The following TFEB variants were observed in gnomAD, a reference collection of about 807,000 sequenced individuals.
TFEB encodes the protein T-cell transcription factor EB.
TFEB carries 12 observed loss-of-function variants against 48.0 expected under a neutral mutation model. That is an observed-to-expected ratio of 0.25 (90% confidence interval 0.16 to 0.40). TFEB has a LOEUF of 0.40. Among genes scored for constraint, TFEB ranks in the 10% least tolerant of loss-of-function variants. The pLI is 1.00. For missense variants in TFEB, 509 were observed against 640.3 expected (o/e 0.79, Z 2.21); for synonymous variants, 244 against 261.4 (o/e 0.93, Z 0.64).
Position 41,734,807 on chromosome 6 carries a change from C to T in TFEB, c.-23+543G>A. On this transcript the variant is annotated intron_variant, in intron 1 of 8. Transcript: ENST00000373033. The surrounding 1 kb of genome is among the most constrained non-coding windows in gnomAD (Gnocchi z 4.0). ...AGAGATGGTACTTCCACCCGCCCCC[C>T]CATCAGCCCAGCCCCCGGGGCGTGG... The T allele has an allele frequency of 1.2e-6, 1 of 822,214 alleles. No individual in the cohort carries two copies. The highest frequency in any genetic ancestry group is 1.5e-6 in the Non-Finnish European group (1 of 680,824). The allele number at this position is 822,214 out of a possible 1,614,324, so 50.9% of individuals were successfully genotyped here.
intron 1 of TFEB, among the ~76,000 whole-genome samples, chr6:41,718,160 G>A (rs527477033): frequency 4.0e-5 from 6 of 151,862 alleles, no homozygotes; most frequent in African/African-American, 1.2e-4. Context: ...ATTTTGGGTG[G>A]TAAGAACATT....
At chr6:41,690,275 C>G (rs1488837093) in intron 3 of TFEB, among the ~76,000 whole-genome samples, 1 of 152,084 alleles carries the variant, frequency 6.6e-6, no homozygotes, top group East Asian at 1.9e-4. Context: ...GGATTACAGG[C>G]GTGCACCACC....
At chr6:41,705,948 G>A (rs1051964423) in intron 1 of TFEB, 2 of 152,300 alleles carry the variant, frequency 1.3e-5, no homozygotes, top group African/African-American at 4.8e-5. Context: ...ACCCCTGGGA[G>A]AGGCAGCTGA....
chr6:41,701,776 C>T (rs1364308470), intron 1 of TFEB, among the ~76,000 whole-genome samples: 1 of 151,988 alleles, frequency 6.6e-6, no homozygotes, highest in African/African-American at 2.4e-5. Context: ...GAAACCCTGT[C>T]TCTACTAAAA....
chr6:41,686,759 G>T (rs1430023440), intron 7 of TFEB: 2 of 343,406 alleles, frequency 5.8e-6, no homozygotes, highest in Non-Finnish European at 1.1e-5. Flanking sequence ...CAAGTGATCT[G>T]CCTGCCTCAG....
At chr6:41,702,746 A>G (rs1280779108) in intron 1 of TFEB, among the ~76,000 whole-genome samples, 1 of 152,174 alleles carries the variant, frequency 6.6e-6, no homozygotes, top group African/African-American at 2.4e-5. Context: ...CTGTTTTGCA[A>G]GGACTCTCTC....
intron 4 of TFEB, among the ~76,000 whole-genome samples, chr6:41,689,219 C>T (rs776051285): frequency 2.8e-4 from 43 of 152,246 alleles, no homozygotes; most frequent in Admixed American, 1.4e-3. Context: ...TGCCAGGAGA[C>T]GCAGGAAGCT....
chr6:41,685,412 A>C (rs776552359), intron 8 of TFEB, among the ~76,000 whole-genome samples: 24 of 152,362 alleles, frequency 1.6e-4, no homozygotes, highest in Admixed American at 3.9e-4. Flanking sequence ...GCGTTACTTC[A>C]TGAAACTGAT....
intron 1 of TFEB, among the ~76,000 whole-genome samples, chr6:41,721,392 C>A (rs1366876584): frequency 6.6e-6 from 1 of 151,806 alleles, no homozygotes; most frequent in African/African-American, 2.4e-5. Flanking sequence ...CACACACACA[C>A]ACACACACAC....
At chr6:41,718,581 C>T (rs988172710) in intron 1 of TFEB, among the ~76,000 whole-genome samples, 68 of 152,136 alleles carry the variant, frequency 4.5e-4, no homozygotes, top group African/African-American at 1.5e-3. Flanking sequence ...TTCACCATGC[C>T]GTACAATACA....
intron 1 of TFEB, among the ~76,000 whole-genome samples, chr6:41,707,523 G>C (rs1370409248): frequency 1.3e-5 from 2 of 152,130 alleles, no homozygotes; most frequent in Non-Finnish European, 2.9e-5. Context: ...CCCAGCCCCT[G>C]CCCCATCCCC....
chr6:41,728,001 C>T (rs909437797), intron 1 of TFEB, among the ~76,000 whole-genome samples: 4 of 152,178 alleles, frequency 2.6e-5, no homozygotes, highest in African/African-American at 9.7e-5. Flanking sequence ...TTCCTGGGGC[C>T]CAGAAGGTGG....
upstream of TFEB, among the ~76,000 whole-genome samples, chr6:41,735,845 G>A (rs144801611): frequency 6.6e-6 from 1 of 152,154 alleles, no homozygotes; most frequent in Non-Finnish European, 1.5e-5. Context: ...CCCAAACCAG[G>A]GCTCACTAAG....
chr6:41,708,973 A>C (rs1260712395), intron 1 of TFEB, among the ~76,000 whole-genome samples: 2 of 152,238 alleles, frequency 1.3e-5, no homozygotes, highest in East Asian at 3.8e-4. Flanking sequence ...AGGACTTGCC[A>C]GAGTTGCAAG....
At chr6:41,696,514 G>A (rs911912045) in intron 1 of TFEB, among the ~76,000 whole-genome samples, 5 of 152,026 alleles carry the variant, frequency 3.3e-5, no homozygotes, top group Admixed American at 2.0e-4. Flanking sequence ...CCAACGTGGT[G>A]AAACCCCATC....
At chr6:41,715,714 C>T (rs57674397) in intron 1 of TFEB, among the ~76,000 whole-genome samples, 2,546 of 152,098 alleles carry the variant, frequency 0.017, 68 homozygotes, top group African/African-American at 0.057. Context: ...CAGGTCCTCC[C>T]ATGCTCCCAG....
rs2127269478 is a variant in TFEB at position 41,724,584 on chromosome 6, G to C, written c.-23+10766C>G. ...AAAGGATGAGTAGGAGCCAGGCCTG[G>C]GTGTGCAGAGCCCCCAGGGAGGACC... On this transcript the variant is annotated intron_variant, in intron 1 of 8. Coordinates refer to ENST00000373033, the MANE Select transcript of TFEB (RefSeq NM_001271944.2). The surrounding 1 kb of genome is among the most constrained non-coding windows in gnomAD (Gnocchi z 4.4). 6.6e-6 allele frequency among the ~76,000 whole-genome samples: 1 copy of C among 152,150 alleles called. No homozygotes were observed. Among genetic ancestry groups the C allele is most frequent in the East Asian group, 1.9e-4 (1 of 5,158 alleles).
rs1419099480 is a variant in TFEB at position 41,689,817 on chromosome 6, A to G, written c.469-6T>C. ...TTGTCAATGACATCATCCAACTGGA[A>G]AAGAGAAAAGTCCATCTGGGGAGGG... On this transcript the variant is annotated splice_region_variant and splice_polypyrimidine_tract_variant and intron_variant, in intron 3 of 8. Coordinates refer to ENST00000373033, the MANE Select transcript of TFEB (RefSeq NM_001271944.2). The G allele has an allele frequency of 6.2e-7, 1 of 1,613,222 alleles. No individual in the cohort carries two copies. The highest frequency in any genetic ancestry group is 1.3e-5 in the African/African-American group (1 of 74,912).
chr6:41,686,059 T>C, intron 8 of TFEB, 31 bp downstream of exon 8: 1 of 1,613,774 alleles, frequency 6.2e-7, no homozygotes, highest in East Asian at 2.2e-5. Context: ...AGGGTCAGAG[T>C]TACCAAAGAA....
Sources: gnomAD v4.1 joint callset for allele counts (sites outside exome capture counted in the v4.1 genomes callset) on GRCh38, gnomAD v4.1.1 for gene constraint, Gnocchi (gnomAD v3.1) non-coding constraint, MANE v1.5 for transcripts, NCBI Gene and HGNC (gene_info 2026-07-23, HGNC 2026-07-21) for gene names.